The following MATR3 variants were observed in gnomAD, a reference collection of about 807,000 sequenced individuals.
MATR3 encodes matrin 3, also known as matrin-3.
A neutral mutation model predicts 85.5 loss-of-function variants in MATR3; 4 were observed. That is an observed-to-expected ratio of 0.05 (90% CI 0.02 to 0.11). MATR3 has a LOEUF of 0.11. MATR3 is among the 10% of genes least tolerant of loss of function. MATR3 has a pLI of 1.00. For synonymous variants in MATR3, 336 were observed against 343.1 expected (o/e 0.98, Z 0.23); for missense variants, 685 against 1,016.1 (o/e 0.67, Z 4.43).
At chr5:139,325,180 A>C in intron 12 of MATR3, 1 of 1,402,504 alleles carries the variant, frequency 7.1e-7, no homozygotes, top group Non-Finnish European at 9.5e-7. Flanking sequence ...TCGACAGAGC[A>C]AGACTCCGTC....
intron 1 of MATR3, among the ~76,000 whole-genome samples, chr5:139,299,292 T>TA (rs1284310899): frequency 6.6e-6 from 1 of 152,232 alleles, no homozygotes; most frequent in East Asian, 1.9e-4. Context: ...AATGGAATAG[T>TA]AAGCAGACGT....
At position 139,326,204 on chromosome 5, in the gene MATR3, C is replaced by T; in HGVS notation, c.2413C>T (p.Leu805=). The change falls in exon 14 of 15, where the codon CTG becomes TTG. Residue 805 remains leucine, a synonymous_variant. Transcript: ENST00000394805. ...ACCTAAAACAGGGTTTTACTGTAAG[C>T]TGTGTTCACTCTTTTATACAAATGA... ...VIPKTGFYCK[L]CSLFYTNEEV... 1 of 1,610,998 alleles carries T rather than the reference C, an allele frequency of 6.2e-7. No individual in the cohort carries two copies.
intron 2 of MATR3, chr5:139,313,033 T>G (rs1273082640): frequency 1.3e-5 from 2 of 151,914 alleles, no homozygotes; most frequent in East Asian, 3.9e-4. Context: ...CAGTTTTTTT[T>G]TTTTTTTTTT....
intron 1 of MATR3, among the ~76,000 whole-genome samples, chr5:139,274,880 G>C (rs1325786109): frequency 6.6e-6 from 1 of 151,746 alleles, no homozygotes; most frequent in African/African-American, 2.4e-5. Flanking sequence ...AGCCGAGATA[G>C]CACCACTGCA....
chr5:139,316,887 G>C (rs938999885), intron 5 of MATR3, among the ~76,000 whole-genome samples, 166 bp from the exon 6 acceptor site: 10 of 152,162 alleles, frequency 6.6e-5, no homozygotes, highest in Admixed American at 6.5e-4. Flanking sequence ...GTGAAAGAAG[G>C]CTCATTCAAA....
chr5:139,320,814 C>A (rs1294765165), intron 9 of MATR3, among the ~76,000 whole-genome samples: 2 of 135,216 alleles, frequency 1.5e-5, no homozygotes, highest in African/African-American at 5.7e-5. Context: ...GTGGTGCAAT[C>A]TCAGCTTACT....
intron 1 of MATR3, among the ~76,000 whole-genome samples, chr5:139,298,467 G>A (rs1754275598): frequency 6.6e-6 from 1 of 152,172 alleles, no homozygotes; most frequent in African/African-American, 2.4e-5. Flanking sequence ...AGCTGTTGGA[G>A]ACGCTGAAGC....
At chr5:139,320,934 G>C (rs985515009) in intron 9 of MATR3, among the ~76,000 whole-genome samples, 1 of 76,014 alleles carries the variant, frequency 1.3e-5, no homozygotes, top group Non-Finnish European at 2.8e-5. Context: ...TTTTTTTTTT[G>C]TATTTTTACT....
chr5:139,320,911 C>G (rs1755530736), intron 9 of MATR3, among the ~76,000 whole-genome samples: 1 of 107,150 alleles, frequency 9.3e-6, no homozygotes, highest in South Asian at 3.2e-4. Flanking sequence ...CCACGCCTGG[C>G]TAATTTTTTT....
At chr5:139,287,852 G>T (rs1753753108) in intron 3 of MATR3, among the ~76,000 whole-genome samples, 1 of 152,200 alleles carries the variant, frequency 6.6e-6, no homozygotes, top group Non-Finnish European at 1.5e-5. Context: ...AGGGCTGGAA[G>T]TTTGTCTTTT....
chr5:139,295,831 T>TC (rs1346801264), intron 1 of MATR3, among the ~76,000 whole-genome samples: 2 of 152,166 alleles, frequency 1.3e-5, no homozygotes, highest in African/African-American at 4.8e-5. Context: ...ATCTTTTTTT[T>TC]CTCTGAAACA....
intron 1 of MATR3, among the ~76,000 whole-genome samples, chr5:139,303,391 C>T (rs187148449): frequency 3.0e-4 from 45 of 152,296 alleles, no homozygotes; most frequent in African/African-American, 1.0e-3. Context: ...TGAGCCACTG[C>T]GCCCTGCCAG....
In MATR3 at chr5:139,330,335, G is replaced by A. The variant is rs1441451920; in HGVS notation, c.*940G>A. 2 of 454,162 alleles carry A rather than the reference G, an allele frequency of 4.4e-6. No homozygotes were observed. The highest frequency in any genetic ancestry group is 3.1e-5 in the South Asian group (2 of 64,430). The allele number at this position is 454,162 out of a possible 1,614,324, so 28.1% of individuals were successfully genotyped here. ...ATTTGTGTTTACTTGTAACTTTCTG[G>A]TTATATACTGCTTATATCTGTGGAT... On this transcript the variant is annotated 3_prime_UTR_variant, in exon 15 of 15. Coordinates refer to ENST00000394805, the MANE Select transcript of MATR3 (RefSeq NM_018834.6).
intron 14 of MATR3, 54 bp from the exon 15 acceptor site, chr5:139,329,291 T>C: frequency 8.0e-7 from 1 of 1,247,184 alleles, no homozygotes; most frequent in Non-Finnish European, 1.2e-6. Flanking sequence ...AATTAATCCA[T>C]TTTGCTGCAT....
At chr5:139,297,195 A>AT (rs1754200907) in intron 1 of MATR3, among the ~76,000 whole-genome samples, 1 of 152,104 alleles carries the variant, frequency 6.6e-6, no homozygotes, top group African/African-American at 2.4e-5. Flanking sequence ...AGTAAAGTGG[A>AT]TGATTGACTT....
intron 1 of MATR3, among the ~76,000 whole-genome samples, chr5:139,295,572 C>T (rs1466013149): frequency 6.6e-6 from 1 of 152,146 alleles, no homozygotes; most frequent in Non-Finnish European, 1.5e-5. Flanking sequence ...TTTAACTACC[C>T]TTGATCTGTG....
chr5:139,276,571 G>A (rs961219390), intron 2 of MATR3, among the ~76,000 whole-genome samples: 3 of 152,196 alleles, frequency 2.0e-5, no homozygotes, highest in African/African-American at 7.2e-5. Context: ...CAGAGAATAA[G>A]TCCAGACCTT....
intron 7 of MATR3, 149 bp downstream of exon 7, chr5:139,317,870 T>G (rs1755332184): frequency 2.9e-6 from 2 of 697,730 alleles, no homozygotes; most frequent in Non-Finnish European, 4.7e-6. Context: ...AGGCCAGTAG[T>G]TGATGAATAT....
intron 1 of MATR3, among the ~76,000 whole-genome samples, chr5:139,300,460 G>C (rs942962147): frequency 6.6e-6 from 1 of 152,040 alleles, no homozygotes; most frequent in South Asian, 2.1e-4. Context: ...AAGAGACTAC[G>C]GTGCAGATAA....
Sources: gnomAD v4.1 joint callset for allele counts (sites outside exome capture counted in the v4.1 genomes callset) on GRCh38, gnomAD v4.1.1 for gene constraint, MANE v1.5 for transcripts, NCBI Gene and HGNC (gene_info 2026-07-23, HGNC 2026-07-21) for gene names.